Variants in SPINT2 observed in about 807,000 individuals in gnomAD.
SPINT2 encodes kunitz-type protease inhibitor 2.
Under a neutral mutation model 30.1 loss-of-function variants are expected in SPINT2, and 18 were observed. The observed-to-expected ratio is 0.60, with a 90% CI of 0.41 to 0.89. SPINT2 has a LOEUF of 0.89. Ranked by LOEUF, SPINT2 falls within the 40% of genes least tolerant of loss-of-function variation. The pLI, the probability that SPINT2 is intolerant of heterozygous loss-of-function variation, is 0.00. For missense variants in SPINT2, 276 were observed against 334.3 expected, an observed-to-expected ratio of 0.83 and a Z score of 1.36; for synonymous variants, 139 against 137.9, an observed-to-expected ratio of 1.01 and a Z score of -0.05.
Position 38,288,936 on chromosome 19 carries a change from G to GC in SPINT2, c.338-200dup. On this transcript the variant is annotated intron_variant, in intron 3 of 6. Coordinates refer to ENST00000301244, the MANE Select transcript of SPINT2 (RefSeq NM_021102.4). The stretch of plus-strand genomic sequence containing the variant: ...ATAGGAACCCTGAGGTGGCGGCAGG[G>GC]CCACCACATCCAGCACTCTCAGTGT... 3 of 582,034 alleles carry GC rather than the reference G, an allele frequency of 5.2e-6. No individual in the cohort carries two copies. In the African/African-American group the frequency reaches 5.6e-5, roughly 11 times the overall value. 36.1% of individuals were successfully genotyped at this position (582,034 alleles called of 1,614,324 possible).
At chr19:38,282,709 G>A (rs1043603173) in intron 1 of SPINT2, among the ~76,000 whole-genome samples, 1 of 152,216 alleles carries the variant, frequency 6.6e-6, no homozygotes, top group Non-Finnish European at 1.5e-5. Flanking sequence ...GTAACAAGCC[G>A]TGGTGCAGGG....
chr19:38,279,538 C>T (rs1452377889), intron 1 of SPINT2, among the ~76,000 whole-genome samples: 1 of 151,866 alleles, frequency 6.6e-6, no homozygotes, highest in East Asian at 1.9e-4. Flanking sequence ...ATATACAAAG[C>T]AGTGACACAT....
At chr19:38,284,160 G>T (rs572501641) in intron 2 of SPINT2, among the ~76,000 whole-genome samples, 4 of 150,828 alleles carry the variant, frequency 2.7e-5, no homozygotes, top group Admixed American at 1.3e-4. Context: ...TTTTTAGACA[G>T]GGTCTCACTG....
chr19:38,277,632 G>A (rs1264552990), intron 1 of SPINT2, among the ~76,000 whole-genome samples: 1 of 152,194 alleles, frequency 6.6e-6, no homozygotes, highest in Non-Finnish European at 1.5e-5. Flanking sequence ...GTCACCGGCT[G>A]ATTGTCTTGG....
At chr19:38,268,763 G>A (rs890690455) in intron 1 of SPINT2, among the ~76,000 whole-genome samples, 4 of 113,410 alleles carry the variant, frequency 3.5e-5, no homozygotes, top group South Asian at 3.0e-4. Context: ...GCATGCGCGC[G>A]CGCGTGTGTG....
chr19:38,266,377 CAA>C (rs112054111), intron 1 of SPINT2, among the ~76,000 whole-genome samples: 6 of 136,144 alleles, frequency 4.4e-5, no homozygotes, highest in Non-Finnish European at 6.4e-5. Context: ...ACTCCCATCT[CAA>C]AAAAAAAAAA....
At chr19:38,278,115 T>TC (rs1001604283) in intron 1 of SPINT2, among the ~76,000 whole-genome samples, 2 of 152,012 alleles carry the variant, frequency 1.3e-5, no homozygotes, top group South Asian at 2.1e-4. Flanking sequence ...CCAGCCCATT[T>TC]CCCCCCCAGC....
Position 38,276,106 on chromosome 19 carries a change from C to T in SPINT2, c.107-7521C>T, listed in dbSNP as rs536858496. On this transcript the variant is annotated intron_variant, in intron 1 of 6. Coordinates refer to ENST00000301244, the MANE Select transcript of SPINT2 (RefSeq NM_021102.4). ...ATTGCTTTGTGTGATCACACACTGA[C>T]GGGCAGGCCAATTGCTGCTTGTATT... is the stretch of plus-strand genomic sequence containing the variant. 1.8e-4 allele frequency among the ~76,000 whole-genome samples: 28 copies of T among 152,248 alleles called. No homozygotes were observed. In the South Asian group the frequency reaches 3.9e-3, roughly 21 times the overall value.
At chr19:38,271,481 G>C (rs1968455406) in intron 1 of SPINT2, among the ~76,000 whole-genome samples, 1 of 148,784 alleles carries the variant, frequency 6.7e-6, no homozygotes, top group South Asian at 2.1e-4. Flanking sequence ...AACAGAGCAA[G>C]ACTCTCTCAA....
chr19:38,274,740 G>A (rs183548634), intron 1 of SPINT2, among the ~76,000 whole-genome samples: 50 of 152,006 alleles, frequency 3.3e-4, no homozygotes, highest in Admixed American at 1.4e-3. Context: ...ACTTGAACCC[G>A]GGAGGCAGAG....
intron 1 of SPINT2, among the ~76,000 whole-genome samples, chr19:38,277,105 A>G (rs533282868): frequency 1.8e-4 from 28 of 152,280 alleles, no homozygotes; most frequent in Admixed American, 1.8e-3. Context: ...TGACACTGAG[A>G]TGTGGATATA....
At chr19:38,273,717 A>G (rs1484107084) in intron 1 of SPINT2, among the ~76,000 whole-genome samples, 27 of 152,106 alleles carry the variant, frequency 1.8e-4, no homozygotes, top group Admixed American at 1.6e-3. Context: ...GTGGTTTGCC[A>G]TTGTCTTCCT....
chr19:38,287,971 C>T, intron 3 of SPINT2, 36 bp downstream of exon 3: 1 of 1,604,422 alleles, frequency 6.2e-7, no homozygotes, highest in Non-Finnish European at 8.5e-7. Context: ...GGAGTGAGGC[C>T]ACCGGATGGG....
intron 1 of SPINT2, among the ~76,000 whole-genome samples, chr19:38,273,264 C>G (rs748737686): frequency 2.0e-5 from 3 of 152,068 alleles, no homozygotes; most frequent in African/African-American, 7.2e-5. Context: ...GAAACAGAAA[C>G]ACTCAAATAT....
chr19:38,283,553 T>C (rs1968604853), intron 1 of SPINT2, 74 bp from the exon 2 acceptor site: 9 of 1,586,018 alleles, frequency 5.7e-6, no homozygotes, highest in South Asian at 5.5e-5. Context: ...GGGGGATCCA[T>C]GTACAGGTCT....
intron 1 of SPINT2, 75 bp from the exon 2 acceptor site, chr19:38,283,552 A>G (rs968933436): frequency 1.2e-5 from 19 of 1,585,600 alleles, no homozygotes; most frequent in Admixed American, 5.0e-5. Flanking sequence ...TGGGGGATCC[A>G]TGTACAGGTC....
intron 1 of SPINT2, among the ~76,000 whole-genome samples, chr19:38,268,232 C>T (rs1052065115): frequency 3.9e-5 from 6 of 152,094 alleles, no homozygotes; most frequent in South Asian, 2.1e-4. Context: ...GACAGGTGGA[C>T]GGGCCGGACA....
At chr19:38,274,568 A>T (rs1450018560) in intron 1 of SPINT2, among the ~76,000 whole-genome samples, 1 of 152,188 alleles carries the variant, frequency 6.6e-6, no homozygotes, top group Non-Finnish European at 1.5e-5. Flanking sequence ...CTGTAATCCC[A>T]GCACTTTGGG....
At chr19:38,291,684 T>G in intron 6 of SPINT2, 156 bp from the exon 7 acceptor site, 1 of 868,390 alleles carries the variant, frequency 1.2e-6, no homozygotes, top group Non-Finnish European at 1.7e-6. Context: ...GCAGGCTGTG[T>G]CCTCTCCAGC....
Sources: gnomAD v4.1 joint callset for allele counts (sites outside exome capture counted in the v4.1 genomes callset) on GRCh38, gnomAD v4.1.1 for gene constraint, MANE v1.5 for transcripts, NCBI Gene and HGNC (gene_info 2026-07-23, HGNC 2026-07-21) for gene names.